The following CNTNAP2 variants were observed in gnomAD, a reference collection of about 807,000 sequenced individuals.
CNTNAP2 encodes the protein contactin associated protein 2.
In CNTNAP2, 98 loss-of-function variants were observed where a neutral mutation model predicts 155.2. The observed-to-expected ratio is 0.63, with a 90% CI of 0.54 to 0.75. CNTNAP2 has a LOEUF of 0.75. CNTNAP2 is among the 30% of genes least tolerant of loss of function. CNTNAP2 has a pLI of 0.00. For synonymous variants in CNTNAP2, 651 were observed against 631.2 expected, an observed-to-expected ratio of 1.03 and a Z score of -0.47; for missense variants, 1,727 against 1,688.1, an observed-to-expected ratio of 1.02 and a Z score of -0.40.
At chr7:146,721,889 A>ATTTTTTT (rs71527797) in intron 1 of CNTNAP2, among the ~76,000 whole-genome samples, 1 of 69,738 alleles carries the variant, frequency 1.4e-5, no homozygotes, top group African/African-American at 1.9e-4. Context: ...ATATATATAT[A>ATTTTTTT]TTTTTTTTTT....
chr7:146,354,821 ATTGAG>A (rs1452253073), intron 1 of CNTNAP2, among the ~76,000 whole-genome samples: 1 of 152,216 alleles, frequency 6.6e-6, no homozygotes, highest in East Asian at 1.9e-4. Flanking sequence ...GGAGAAAGAA[ATTGAG>A]TTGTGTCTTT....
intron 14 of CNTNAP2, among the ~76,000 whole-genome samples, chr7:147,915,214 GCC>G (rs1318204629): frequency 1.3e-5 from 2 of 152,208 alleles, no homozygotes; most frequent in East Asian, 3.9e-4. Context: ...GGCTCTCCTG[GCC>G]CCAATATTGG....
At chr7:146,347,447 TC>T (rs1363801249) in intron 1 of CNTNAP2, among the ~76,000 whole-genome samples, 2 of 152,202 alleles carry the variant, frequency 1.3e-5, no homozygotes, top group African/African-American at 4.8e-5. Context: ...AGCTTCTGCA[TC>T]TTTTTTATCT....
intron 17 of CNTNAP2, among the ~76,000 whole-genome samples, chr7:148,155,899 A>G (rs1805389764): frequency 6.6e-6 from 1 of 152,144 alleles, no homozygotes; most frequent in African/African-American, 2.4e-5. Flanking sequence ...AGGTGCGGTG[A>G]CACTGGGTGC....
At chr7:146,899,551 G>A (rs1795950193) in intron 3 of CNTNAP2, among the ~76,000 whole-genome samples, 1 of 152,096 alleles carries the variant, frequency 6.6e-6, no homozygotes, top group South Asian at 2.1e-4. Flanking sequence ...TAACAATTCA[G>A]TTTATTTCTA....
intron 15 of CNTNAP2, among the ~76,000 whole-genome samples, chr7:148,064,803 A>G (rs1240840985): frequency 1.3e-5 from 2 of 151,560 alleles, no homozygotes; most frequent in East Asian, 3.9e-4. Flanking sequence ...TTTTACTCCG[A>G]TCTTTGTTAT....
At chr7:147,414,432 TAAAAA>T (rs55692955) in intron 10 of CNTNAP2, among the ~76,000 whole-genome samples, 2 of 121,942 alleles carry the variant, frequency 1.6e-5, no homozygotes, top group Admixed American at 1.7e-4. Flanking sequence ...TCAAAAACAT[TAAAAA>T]AAAAAAAAAA....
At chr7:147,192,517 T>A (rs1254288249) in intron 8 of CNTNAP2, among the ~76,000 whole-genome samples, 2 of 152,094 alleles carry the variant, frequency 1.3e-5, no homozygotes, top group Non-Finnish European at 1.5e-5. Context: ...CATCACAAAC[T>A]CTGGGGTACA....
In CNTNAP2 at chr7:147,306,692, T is replaced by C. The variant is rs540258745; in HGVS notation, c.1498+6402T>C. ...ATGTAGAGAGAAGAGAACACCCAGC[T>C]AAGACTTGGGGTTAGCAACCCTCGG... On this transcript the variant is annotated intron_variant, in intron 9 of 23. Transcript: ENST00000361727. 2.6e-5 allele frequency among the ~76,000 whole-genome samples: 4 copies of C among 152,286 alleles called. No homozygotes were observed. The South Asian group carries it at 6.2e-4, about 24-fold the overall frequency.
intron 1 of CNTNAP2, among the ~76,000 whole-genome samples, chr7:146,264,680 A>G (rs1209072847): frequency 1.3e-5 from 2 of 152,184 alleles, no homozygotes; most frequent in South Asian, 2.1e-4. Context: ...ATAATAGGGT[A>G]AAGTGCAAGT....
intron 1 of CNTNAP2, among the ~76,000 whole-genome samples, chr7:146,670,335 C>T (rs1800280498): frequency 1.3e-5 from 2 of 152,122 alleles, no homozygotes; most frequent in Admixed American, 6.5e-5. Flanking sequence ...TCCACTTTGG[C>T]AATTTTGCCT....
chr7:146,817,222 A>T (rs557666047), intron 2 of CNTNAP2, among the ~76,000 whole-genome samples: 1 of 152,232 alleles, frequency 6.6e-6, no homozygotes, highest in Non-Finnish European at 1.5e-5. Context: ...CTGTAATCCC[A>T]GCACTTTGGG....
At chr7:146,812,789 C>T (rs1460876600) in intron 2 of CNTNAP2, among the ~76,000 whole-genome samples, 2 of 152,172 alleles carry the variant, frequency 1.3e-5, no homozygotes, top group East Asian at 1.9e-4. Flanking sequence ...CCATCACAGA[C>T]CCAGAGGCCT....
chr7:147,104,873 CATATATAT>C (rs56674675), intron 4 of CNTNAP2, among the ~76,000 whole-genome samples: 1,085 of 101,206 alleles, frequency 0.011, 11 homozygotes, highest in South Asian at 0.043. Flanking sequence ...CTTCCTCCCT[CATATATAT>C]ATATATATAT....
rs573086322 is a variant in CNTNAP2, at chr7:148,336,394, CT to C, written c.3476-47253del. On this transcript the variant is annotated intron_variant, in intron 21 of 23. Transcript: ENST00000361727. ...CTGAAAATATATAGCAGTTGATATG[CT>C]TCTCAGAGTCATCTTTTACTAATCA... Among the ~76,000 whole-genome samples the C allele has an allele frequency of 3.2e-4, 48 of 151,656 alleles. 1 individual carries two copies. The highest frequency in any genetic ancestry group is 1.1e-3 in the African/African-American group (47 of 41,338).
chr7:148,084,186 G>A (rs958091150), intron 15 of CNTNAP2, among the ~76,000 whole-genome samples: 3 of 152,118 alleles, frequency 2.0e-5, no homozygotes, highest in Admixed American at 2.0e-4. Flanking sequence ...CTTTTAATGC[G>A]TTCATTACTC....
chr7:146,925,667 T>G (rs1374301859), intron 3 of CNTNAP2, among the ~76,000 whole-genome samples: 1 of 152,094 alleles, frequency 6.6e-6, no homozygotes, highest in South Asian at 2.1e-4. Context: ...TCAGAGCAAA[T>G]AACATTAAAA....
At chr7:146,609,289 C>T (rs376699922) in intron 1 of CNTNAP2, among the ~76,000 whole-genome samples, 7 of 152,100 alleles carry the variant, frequency 4.6e-5, no homozygotes, top group African/African-American at 1.7e-4. Flanking sequence ...TTGCACCCAC[C>T]CCATAGCTGC....
chr7:148,146,221 T>C (rs1585150691), intron 16 of CNTNAP2, among the ~76,000 whole-genome samples: 1 of 152,224 alleles, frequency 6.6e-6, no homozygotes, highest in Non-Finnish European at 1.5e-5. Context: ...GGAAAGCTTA[T>C]TGATGGACAG....
Sources: allele counts gnomAD v4.1 joint callset (sites outside exome capture counted in the v4.1 genomes callset), GRCh38; gene constraint gnomAD v4.1.1; transcripts MANE v1.5; gene names NCBI Gene and HGNC (gene_info 2026-07-23, HGNC 2026-07-21).